The following CADM2 variants were observed in gnomAD, a reference collection of about 807,000 sequenced individuals.
The protein encoded by CADM2 is immunoglobulin superfamily member 4D.
CADM2 carries 12 observed loss-of-function variants against 49.8 expected under a neutral mutation model. The ratio of observed to expected loss-of-function variants is 0.24; its 90% CI spans 0.15 to 0.39. The LOEUF is 0.39. Ranked by LOEUF, CADM2 falls within the 10% of genes least tolerant of loss-of-function variation. The probability of loss-of-function intolerance (pLI) is 1.00; values close to 1 mark genes in which losing one functional copy is unlikely to be tolerated. For synonymous variants in CADM2, 214 were observed against 175.4 expected, an observed-to-expected ratio of 1.22 and a Z score of -1.74; for missense variants, 378 against 492.3, an observed-to-expected ratio of 0.77 and a Z score of 2.20.
intron 1 of CADM2, among the ~76,000 whole-genome samples, chr3:85,166,171 C>T (rs545918194): frequency 2.8e-4 from 43 of 151,740 alleles, no homozygotes; most frequent in African/African-American, 8.0e-4. Flanking sequence ...TCTATTTTTG[C>T]AAAATTGTGT....
intron 3 of CADM2, among the ~76,000 whole-genome samples, chr3:85,805,928 G>T (rs537861854): frequency 6.6e-6 from 1 of 152,180 alleles, no homozygotes; most frequent in Non-Finnish European, 1.5e-5. Flanking sequence ...GTCTCAGATT[G>T]TGCTTCCAGT....
At chr3:85,671,120 A>G (rs957008571) in intron 1 of CADM2, among the ~76,000 whole-genome samples, 23 of 152,176 alleles carry the variant, frequency 1.5e-4, no homozygotes, top group African/African-American at 5.3e-4. Flanking sequence ...CAGTTCCTGG[A>G]GGTAAATAAT....
At chr3:85,854,897 C>T (rs1025870523) in intron 3 of CADM2, among the ~76,000 whole-genome samples, 1 of 152,098 alleles carries the variant, frequency 6.6e-6, no homozygotes, top group African/African-American at 2.4e-5. Flanking sequence ...ATGAGAATAC[C>T]TTAGTAACTC....
chr3:84,966,788 TCA>T (rs1399396010), intron 1 of CADM2, among the ~76,000 whole-genome samples: 16 of 152,122 alleles, frequency 1.1e-4, no homozygotes, highest in African/African-American at 3.6e-4. Context: ...CAAATCATTT[TCA>T]CTTGAATATT....
At chr3:85,755,477 A>T in intron 2 of CADM2, among the ~76,000 whole-genome samples, 1 of 152,106 alleles carries the variant, frequency 6.6e-6, no homozygotes, top group East Asian at 1.9e-4. Context: ...CTCATTGTTC[A>T]AGTTTTTACT....
intron 1 of CADM2, among the ~76,000 whole-genome samples, chr3:85,268,378 TA>T (rs1334147986): frequency 6.6e-6 from 1 of 151,504 alleles, no homozygotes; most frequent in Non-Finnish European, 1.5e-5. Context: ...CATTTATTAA[TA>T]TTTTTAAACT....
At chr3:85,691,770 A>G (rs1011652238) in intron 1 of CADM2, among the ~76,000 whole-genome samples, 2 of 152,198 alleles carry the variant, frequency 1.3e-5, no homozygotes, top group Admixed American at 1.3e-4. Context: ...TGTGGCACAT[A>G]TACACCATGG....
intron 1 of CADM2, among the ~76,000 whole-genome samples, chr3:85,415,297 C>T (rs549623791): frequency 7.9e-5 from 12 of 151,876 alleles, no homozygotes; most frequent in South Asian, 4.2e-4. Flanking sequence ...AATATATTTC[C>T]GGGTTCCCCT....
intron 4 of CADM2, among the ~76,000 whole-genome samples, chr3:85,884,158 G>A (rs1400893589): frequency 3.9e-5 from 6 of 152,170 alleles, no homozygotes; most frequent in East Asian, 3.8e-4. Context: ...TTCCACAGAC[G>A]TCAGTGCCCC....
At chr3:85,400,684 G>A (rs1456914126) in intron 1 of CADM2, among the ~76,000 whole-genome samples, 4 of 149,710 alleles carry the variant, frequency 2.7e-5, no homozygotes, top group African/African-American at 9.9e-5. Flanking sequence ...TTGGGAGGGT[G>A]TATGTGTCCA....
chr3:85,092,438 G>A lies in CADM2; in HGVS notation c.61+132770G>A, dbSNP rs1272772093. Among the ~76,000 whole-genome samples the A allele has an allele frequency of 4.6e-5, 7 of 152,104 alleles. No homozygotes were observed. The South Asian group carries it at 1.2e-3, about 27-fold the overall frequency. On this transcript the variant is annotated intron_variant, in intron 1 of 9. Coordinates refer to ENST00000383699, the MANE Select transcript of CADM2 (RefSeq NM_001167675.2). ...GCCAGAGAAGAAACAATCTCTTTTA[G>A]AGAAAGATATATATATATCATGTTC...
At chr3:86,012,693 A>G in intron 8 of CADM2, 1 of 1,198,412 alleles carries the variant, frequency 8.3e-7, no homozygotes, top group Non-Finnish European at 1.2e-6. Context: ...GACTTAGAAG[A>G]TAAAACACCT....
At chr3:85,597,551 A>G (rs139846767) in intron 1 of CADM2, among the ~76,000 whole-genome samples, 4 of 152,242 alleles carry the variant, frequency 2.6e-5, no homozygotes, top group Admixed American at 2.0e-4. Flanking sequence ...TATCAAAGCA[A>G]TTAAAATGTT....
chr3:85,732,424 G>A (rs1366203428), intron 2 of CADM2, among the ~76,000 whole-genome samples: 3 of 152,020 alleles, frequency 2.0e-5, no homozygotes, highest in African/African-American at 7.2e-5. Context: ...ATATAGAAGG[G>A]AATTTAAAAG....
intron 1 of CADM2, among the ~76,000 whole-genome samples, chr3:85,430,713 A>G (rs1218689350): frequency 6.6e-6 from 1 of 151,958 alleles, no homozygotes; most frequent in Non-Finnish European, 1.5e-5. Flanking sequence ...GGCATGGGAG[A>G]GATAGTAACT....
At chr3:85,659,115 C>T (rs1304926689) in intron 1 of CADM2, among the ~76,000 whole-genome samples, 1 of 147,392 alleles carries the variant, frequency 6.8e-6, no homozygotes, top group South Asian at 2.2e-4. Flanking sequence ...CTACTGAAGC[C>T]CTTTCTGAGG....
At chr3:85,144,564 A>G (rs967908159) in intron 1 of CADM2, among the ~76,000 whole-genome samples, 4 of 151,186 alleles carry the variant, frequency 2.6e-5, no homozygotes, top group African/African-American at 9.8e-5. Context: ...GTGAGCCAAG[A>G]TCGCACCACT....
At chr3:85,164,263 C>T (rs182680906) in intron 1 of CADM2, among the ~76,000 whole-genome samples, 2 of 152,112 alleles carry the variant, frequency 1.3e-5, no homozygotes, top group South Asian at 2.1e-4. Context: ...CTCACAGATA[C>T]TGGCAAGTAT....
At chr3:85,170,651 A>G (rs1201733481) in intron 1 of CADM2, among the ~76,000 whole-genome samples, 8 of 152,164 alleles carry the variant, frequency 5.3e-5, no homozygotes, top group African/African-American at 1.7e-4. Flanking sequence ...CATTTTAAAA[A>G]TAAAATTCTT....
Sources: allele counts gnomAD v4.1 joint callset (sites outside exome capture counted in the v4.1 genomes callset), GRCh38; gene constraint gnomAD v4.1.1; transcripts MANE v1.5; gene names NCBI Gene and HGNC (gene_info 2026-07-23, HGNC 2026-07-21).